Variants in SERINC3 observed in about 807,000 individuals in gnomAD.
SERINC3 encodes tumor differentially expressed protein 1.
In SERINC3, 22 loss-of-function variants were observed where a neutral mutation model predicts 52.1. The ratio of observed to expected loss-of-function variants is 0.42; its 90% CI spans 0.30 to 0.60. The LOEUF (loss-of-function observed/expected upper bound fraction) is 0.60. SERINC3 is among the 20% of genes least tolerant of loss of function. SERINC3 has a pLI of 0.16. For synonymous variants in SERINC3, 226 were observed against 212.7 expected, an observed-to-expected ratio of 1.06 and a Z score of -0.54; for missense variants, 564 against 584.6, an observed-to-expected ratio of 0.96 and a Z score of 0.36.
rs2064259084 is a variant in SERINC3 at position 44,498,253 on chromosome 20, CATA to C, written c.*2040_*2042del. 6.6e-6 allele frequency: 1 copy of C among 152,210 alleles called. No individual in the cohort carries two copies. 9.4% of individuals were successfully genotyped at this position (152,210 alleles called of 1,614,324 possible). The stretch of plus-strand genomic sequence containing the variant: ...ATCACTCAGAAATCTACCTCTCCTT[CATA>C]TTATTCATAACTGCCAGTGTTAAAA... On this transcript the variant is annotated 3_prime_UTR_variant, in exon 10 of 10. Transcript: ENST00000342374.
intron 6 of SERINC3, among the ~76,000 whole-genome samples, chr20:44,506,237 C>T (rs1373369748): frequency 1.4e-5 from 2 of 145,678 alleles, no homozygotes; most frequent in East Asian, 4.1e-4. Context: ...GCTGAGATTG[C>T]ACCATCGCAC....
At chr20:44,507,471 T>A (rs1285115036) in intron 5 of SERINC3, among the ~76,000 whole-genome samples, 1 of 152,206 alleles carries the variant, frequency 6.6e-6, no homozygotes, top group Non-Finnish European at 1.5e-5. Flanking sequence ...CTAAATCCAT[T>A]TCCCATCACA....
In SERINC3 at chr20:44,500,341, C is replaced by A. The variant is rs781536693; in HGVS notation, c.1377G>T (p.Trp459Cys). The A allele has an allele frequency of 3.1e-6, 5 of 1,610,314 alleles. No homozygotes were observed. The highest frequency in any genetic ancestry group is 4.2e-6 in the Non-Finnish European group (5 of 1,178,576). ...SSWVCLLLYV[W>C]TLVAPLVLTS... ...TGAGGACAAGTGGAGCCACAAGGGT[C>A]CAGACGTAAAGCAGGAGGCAGACCC... The change falls in exon 10 of 10, where the codon TGG (tryptophan) becomes TGT (cysteine). Residue 459 changes from tryptophan to cysteine, a missense_variant. Transcript: ENST00000342374.
At chr20:44,520,748 A>T (rs1279662400) in intron 1 of SERINC3, among the ~76,000 whole-genome samples, 4 of 152,238 alleles carry the variant, frequency 2.6e-5, no homozygotes, top group Admixed American at 2.0e-4. Flanking sequence ...GTACCCTCTG[A>T]ATCTAAAATT....
At position 44,501,273 on chromosome 20, in the gene SERINC3, T is replaced by G. The variant is rs763980280; in HGVS notation, c.1083A>C (p.Val361=). 81 of 1,614,068 alleles carry G rather than the reference T, an allele frequency of 5.0e-5. No homozygotes were observed. Among genetic ancestry groups the G allele is most frequent in the Non-Finnish European group, 6.7e-5 (79 of 1,180,028 alleles). Residue 361 remains valine (V), a synonymous_variant, in exon 9 of 10, where the codon GTA becomes GTC. Coordinates refer to ENST00000342374, the MANE Select transcript of SERINC3 (RefSeq NM_006811.4). The part of the protein sequence containing the change: ...SSIRTSTNSQ[V]DKLTLSGSDS... Reference sequence around the variant, plus strand: ...CACTCCCTGACAGGGTCAGCTTGTCTACTTGGCTATTAGTGGAAGTGCGGA... The same window carrying G: ...CACTCCCTGACAGGGTCAGCTTGTCGACTTGGCTATTAGTGGAAGTGCGGA...
Position 44,504,882 on chromosome 20 carries a change from G to C in SERINC3, c.793C>G (p.Pro265Ala), listed in dbSNP as rs1204894016. Reference protein sequence around the residue: ...SIHPKIQEHQPRSGLLQSSLI... With the variant: ...SIHPKIQEHQARSGLLQSSLI... Reference sequence around the variant, plus strand: ...GAGGACTGCAAGAGGCCGGAGCGAGGCTGGTGTTCCTATGGAATCAAAAGG... The same window carrying C: ...GAGGACTGCAAGAGGCCGGAGCGAGCCTGGTGTTCCTATGGAATCAAAAGG... The change falls in exon 7 of 10, where the codon CCT becomes GCT. Residue 265 changes from proline to alanine, a missense_variant. Transcript: ENST00000342374. The C allele has an allele frequency of 1.2e-6, 2 of 1,612,980 alleles. No homozygotes were observed. Among genetic ancestry groups the C allele is most frequent in the Non-Finnish European group, 1.7e-6 (2 of 1,179,172 alleles).
At chr20:44,519,971 T>C (rs1411098671) in intron 1 of SERINC3, among the ~76,000 whole-genome samples, 1 of 152,150 alleles carries the variant, frequency 6.6e-6, no homozygotes, top group Middle Eastern at 3.2e-3. Context: ...GGTGGCTTCA[T>C]GATGGGTGAG....
intron 1 of SERINC3, among the ~76,000 whole-genome samples, chr20:44,520,932 G>A (rs932704791): frequency 2.6e-5 from 4 of 152,210 alleles, no homozygotes; most frequent in African/African-American, 9.6e-5. Flanking sequence ...CATTGGCACA[G>A]AAAGTGGGCA....
In SERINC3 at chr20:44,503,860, T is replaced by G; in HGVS notation, c.1010A>C (p.Asn337Thr). ...AACAAAGACAAACAGTCCAATAAAA[T>G]TATCTGAATCCAGTAAAGACCCACT... Reference protein sequence around the residue: ...SKSGSLLDSDNFIGLFVFVLC... With the variant: ...SKSGSLLDSDTFIGLFVFVLC... Residue 337 changes from asparagine to threonine, a missense_variant, in exon 8 of 10, where the codon AAT (asparagine) becomes ACT (threonine). Coordinates refer to ENST00000342374, the MANE Select transcript of SERINC3 (RefSeq NM_006811.4). The G allele has an allele frequency of 6.3e-7, 1 of 1,588,662 alleles. No homozygotes were observed. The highest frequency in any genetic ancestry group is 1.4e-5 in the African/African-American group (1 of 73,134).
chr20:44,517,210 T>C (rs1342424512), intron 1 of SERINC3, among the ~76,000 whole-genome samples: 1 of 152,200 alleles, frequency 6.6e-6, no homozygotes, highest in Non-Finnish European at 1.5e-5. Flanking sequence ...ATGCCTGACA[T>C]ATTTATCAGG....
Position 44,514,036 on chromosome 20 carries a change from G to C in SERINC3, c.44C>G (p.Pro15Arg). The C allele has an allele frequency of 6.2e-7, 1 of 1,613,738 alleles. No homozygotes were observed. The highest frequency in any genetic ancestry group is 8.5e-7 in the Non-Finnish European group (1 of 1,179,812). The change falls in exon 2 of 10, where the codon CCA becomes CGA. Residue 15 changes from proline (P) to arginine (R), a missense_variant. Pro to Arg is a moderately radical substitution (Grantham distance 103). Transcript: ENST00000342374. ...LGVFSLASWV[P>R]CLCSGASCLL... Reference sequence around the variant, plus strand: ...ACATGAGGCACCGCTGCAGAGGCATGGAACCTGGAATGAGCACACCATGGT... The same window carrying C: ...ACATGAGGCACCGCTGCAGAGGCATCGAACCTGGAATGAGCACACCATGGT...
chr20:44,509,555 G>T (rs1347964812), intron 5 of SERINC3, among the ~76,000 whole-genome samples: 4 of 152,030 alleles, frequency 2.6e-5, no homozygotes, highest in African/African-American at 4.8e-5. Context: ...TAGAGACAGG[G>T]TCTTGCTCTG....
rs1405740294 is a variant in SERINC3 at position 44,501,196 on chromosome 20, T to C, written c.1160A>G (p.Asp387Gly). 6.2e-7 allele frequency: 1 copy of C among 1,614,110 alleles called. No homozygotes were observed. Among genetic ancestry groups the C allele is most frequent in the Admixed American group, 1.7e-5 (1 of 60,024 alleles). The change falls in exon 9 of 10, where the codon GAT (aspartate) becomes GGT (glycine). Residue 387 changes from aspartate to glycine, a missense_variant. Physicochemically the swap from Asp to Gly is moderately conservative, Grantham distance 94 (BLOSUM62 -1). Coordinates refer to ENST00000342374, the MANE Select transcript of SERINC3 (RefSeq NM_006811.4). ...TTTSGASDEE[D>G]GQPRRAVDNE... is the part of the protein sequence containing the mutation. ...GTCCACAGCCCGCCGAGGCTGTCCA[T>C]CTTCTTCATCACTGGCACCACTGGT...
rs1377309636 is a variant in SERINC3 at position 44,498,668 on chromosome 20, T to C, written c.*1628A>G. On this transcript the variant is annotated 3_prime_UTR_variant, in exon 10 of 10. Coordinates refer to ENST00000342374, the MANE Select transcript of SERINC3 (RefSeq NM_006811.4). ...CCCCGTCCCTACGATTCCACTTCTC[T>C]ATTTCACATCTCATATGGACTGCAC... 1.3e-5 allele frequency: 2 copies of C among 152,228 alleles called. No homozygotes were observed. The highest frequency in any genetic ancestry group is 4.8e-5 in the African/African-American group (2 of 41,458). 9.4% of individuals were successfully genotyped at this position (152,228 alleles called of 1,614,324 possible). A position where few individuals can be genotyped will look rare whatever the true frequency, so the allele number is the denominator to read the frequency against.
In SERINC3 at chr20:44,503,710, A is replaced by C. The variant is rs770303129; in HGVS notation, c.1055+105T>G. The C allele has an allele frequency of 1.6e-4, 137 of 850,102 alleles. No homozygotes were observed. The Middle Eastern group carries it at 2.6e-3, about 16-fold the overall frequency. The allele number at this position is 850,102 out of a possible 1,614,324, so 52.7% of individuals were successfully genotyped here. A position where few individuals can be genotyped will look rare whatever the true frequency, so the allele number is the denominator to read the frequency against. ...AAGTAAAGAACTTTTCATTAAAGAGAGTGAAGTTTTTAAATTTCTCATGCT... is the reference window on the plus strand; with the variant it reads ...AAGTAAAGAACTTTTCATTAAAGAGCGTGAAGTTTTTAAATTTCTCATGCT... On this transcript the variant is annotated intron_variant, in intron 8 of 9. Coordinates refer to ENST00000342374, the MANE Select transcript of SERINC3 (RefSeq NM_006811.4).
chr20:44,510,109 T>C (rs1044077675), intron 4 of SERINC3, 81 bp from the exon 5 acceptor site: 15 of 1,373,062 alleles, frequency 1.1e-5, no homozygotes, highest in Non-Finnish European at 1.4e-5. Flanking sequence ...CGGATTTCAA[T>C]TAAAACAAGA....
Position 44,513,473 on chromosome 20 carries a change from G to C in SERINC3, c.201+406C>G, listed in dbSNP as rs543550993. 3.3e-5 allele frequency among the ~76,000 whole-genome samples: 5 copies of C among 152,240 alleles called. No individual in the cohort carries two copies. The East Asian group carries it at 9.6e-4, about 29-fold the overall frequency. On this transcript the variant is annotated intron_variant, in intron 2 of 9. Coordinates refer to ENST00000342374, the MANE Select transcript of SERINC3 (RefSeq NM_006811.4). ...TGCACTCCAGCCTGGGCAACAGAGT[G>C]AGTCTTAGTTTCAAAAAAATATGGT...
intron 1 of SERINC3, among the ~76,000 whole-genome samples, chr20:44,516,595 T>G (rs917132366): frequency 3.3e-5 from 5 of 152,082 alleles, no homozygotes; most frequent in African/African-American, 9.7e-5. Flanking sequence ...TTTCACCATG[T>G]TGGCCAGGCT....
At chr20:44,513,224 A>G (rs1268723895) in intron 2 of SERINC3, among the ~76,000 whole-genome samples, 1 of 152,180 alleles carries the variant, frequency 6.6e-6, no homozygotes, top group Non-Finnish European at 1.5e-5. Flanking sequence ...GGTGGCTCAC[A>G]TCTGTAATCC....
Sources: allele counts gnomAD v4.1 joint callset (sites outside exome capture counted in the v4.1 genomes callset), GRCh38; gene constraint gnomAD v4.1.1; transcripts MANE v1.5; gene names NCBI Gene and HGNC (gene_info 2026-07-23, HGNC 2026-07-21).